Variants in SLC39A9 observed in about 807,000 individuals in gnomAD.
The protein encoded by SLC39A9 is zinc transporter ZIP9.
In SLC39A9, 14 loss-of-function variants were observed where a neutral mutation model predicts 28.4. The ratio of observed to expected loss-of-function variants is 0.49; its 90% CI spans 0.33 to 0.77. The LOEUF is 0.77. SLC39A9 is among the 30% of genes least tolerant of loss of function. The pLI, the probability that SLC39A9 is intolerant of heterozygous loss-of-function variation, is 0.02. For missense variants in SLC39A9, 283 were observed against 381.1 expected (o/e 0.74, Z 2.14); for synonymous variants, 119 against 149.6 (o/e 0.80, Z 1.49).
intron 1 of SLC39A9, among the ~76,000 whole-genome samples, chr14:69,421,898 G>C (rs1395645153): frequency 1.3e-5 from 2 of 152,206 alleles, no homozygotes; most frequent in Non-Finnish European, 2.9e-5. Context: ...GATTTTCCAG[G>C]TACAGTCTGT....
At chr14:69,456,523 G>C (rs1555409780) in intron 6 of SLC39A9, among the ~76,000 whole-genome samples, 1 of 152,170 alleles carries the variant, frequency 6.6e-6, no homozygotes, top group Non-Finnish European at 1.5e-5. Context: ...TAACTGTACA[G>C]TTCTTTCTAT....
chr14:69,458,656 A>G lies in SLC39A9; in HGVS notation c.*63A>G. The G allele has an allele frequency of 6.7e-7, 1 of 1,491,670 alleles. No individual in the cohort carries two copies. The highest frequency in any genetic ancestry group is 9.0e-7 in the Non-Finnish European group (1 of 1,116,772). 92.4% of individuals were successfully genotyped at this position (1,491,670 alleles called of 1,614,324 possible). ...ATCCAGTGAGAACAGCCGGCACGTGACAGCTACTCACTTCCTCAGTCTCTT... is the reference window on the plus strand; with the variant it reads ...ATCCAGTGAGAACAGCCGGCACGTGGCAGCTACTCACTTCCTCAGTCTCTT... On this transcript the variant is annotated 3_prime_UTR_variant, in exon 7 of 7. Coordinates refer to ENST00000336643, the MANE Select transcript of SLC39A9 (RefSeq NM_018375.5).
At chr14:69,430,449 T>A (rs1204351560) in intron 2 of SLC39A9, among the ~76,000 whole-genome samples, 1 of 152,202 alleles carries the variant, frequency 6.6e-6, no homozygotes, top group Non-Finnish European at 1.5e-5. Context: ...TATTGAATTA[T>A]CTTTGCACTT....
rs370037463 is a variant in SLC39A9 at position 69,442,200 on chromosome 14, G to A, written c.337G>A (p.Val113Ile). Residue 113 changes from valine (V) to isoleucine (I), a missense_variant, in exon 3 of 7, where the codon GTT becomes ATT. Coordinates refer to ENST00000336643, the MANE Select transcript of SLC39A9 (RefSeq NM_018375.5). ...QLHAYIGVSL[V>I]LGFVFMLLVD... ...GCATGCCTATATTGGTGTTTCCCTC[G>A]TTCTGGGCTTCGTTTTCATGTTGCT... is the stretch of plus-strand genomic sequence containing the variant. The A allele has an allele frequency of 2.8e-5, 45 of 1,614,016 alleles. 1 individual carries two copies. The highest frequency in any genetic ancestry group is 7.7e-5 in the South Asian group (7 of 91,088).
chr14:69,451,847 C>T (rs1050031946), intron 3 of SLC39A9, among the ~76,000 whole-genome samples: 10 of 152,086 alleles, frequency 6.6e-5, no homozygotes, highest in Non-Finnish European at 1.3e-4. Context: ...TCCTAGATAC[C>T]TGGGACTACA....
chr14:69,437,215 T>TA (rs1216350894), intron 2 of SLC39A9, among the ~76,000 whole-genome samples: 1 of 152,162 alleles, frequency 6.6e-6, no homozygotes, highest in African/African-American at 2.4e-5. Context: ...GGGTTTTAAC[T>TA]GCCTTTGTTG....
intron 2 of SLC39A9, among the ~76,000 whole-genome samples, chr14:69,437,372 G>A (rs1166576326): frequency 1.3e-5 from 2 of 152,112 alleles, no homozygotes; most frequent in African/African-American, 4.8e-5. Context: ...GAAAGACAGG[G>A]TTTTTCTAGA....
chr14:69,412,963 T>C (rs1199384384), intron 1 of SLC39A9, among the ~76,000 whole-genome samples: 1 of 152,198 alleles, frequency 6.6e-6, no homozygotes. Context: ...AAACTCAAAT[T>C]CTTTGTTTCT....
chr14:69,424,339 T>C (rs1884071332), intron 2 of SLC39A9, 137 bp downstream of exon 2: 3 of 635,556 alleles, frequency 4.7e-6, no homozygotes, highest in African/African-American at 3.7e-5. Flanking sequence ...TTGAGAGATA[T>C]CTTGATATCT....
At chr14:69,454,379 C>T (rs1885760896) in intron 4 of SLC39A9, among the ~76,000 whole-genome samples, 1 of 152,222 alleles carries the variant, frequency 6.6e-6, no homozygotes, top group African/African-American at 2.4e-5. Context: ...AAGCAATCCT[C>T]CTGCCTCAGC....
intron 3 of SLC39A9, among the ~76,000 whole-genome samples, chr14:69,452,723 G>T (rs1410453574): frequency 1.3e-5 from 2 of 152,116 alleles, no homozygotes; most frequent in Non-Finnish European, 2.9e-5. Context: ...TGCTAATTTA[G>T]GTTTGAGTGA....
chr14:69,456,387 A>C lies in SLC39A9; in HGVS notation c.693+521A>C, dbSNP rs1265592574. Among the ~76,000 whole-genome samples, 3 of 152,210 alleles carry C rather than the reference A, an allele frequency of 2.0e-5. No individual in the cohort carries two copies. In the East Asian group the frequency reaches 5.8e-4, roughly 29 times the overall value. The stretch of plus-strand genomic sequence containing the variant: ...AAGAGAAGGCTTTTCAGGTAAATGG[A>C]AAGGGTTTTTATAACACACTGTTAG... On this transcript the variant is annotated intron_variant, in intron 6 of 6. Transcript: ENST00000336643.
chr14:69,425,568 A>C (rs192250598), intron 2 of SLC39A9, among the ~76,000 whole-genome samples: 2 of 152,316 alleles, frequency 1.3e-5, no homozygotes, highest in Non-Finnish European at 2.9e-5. Context: ...TAGAGGAAAG[A>C]AGTGCTTCAA....
chr14:69,409,938 T>A (rs1001725764), intron 1 of SLC39A9, among the ~76,000 whole-genome samples: 3 of 152,234 alleles, frequency 2.0e-5, no homozygotes, highest in Non-Finnish European at 4.4e-5. Context: ...TTTTTAAAAC[T>A]GTACCAATTT....
At chr14:69,413,563 C>A (rs554466405) in intron 1 of SLC39A9, among the ~76,000 whole-genome samples, 1 of 151,752 alleles carries the variant, frequency 6.6e-6, no homozygotes, top group Non-Finnish European at 1.5e-5. Flanking sequence ...ATGATGTGCT[C>A]ACTGTATTGT....
intron 1 of SLC39A9, among the ~76,000 whole-genome samples, chr14:69,410,843 A>T (rs2140254500): frequency 6.7e-6 from 1 of 150,352 alleles, no homozygotes; most frequent in African/African-American, 2.4e-5. Context: ...TTTTTTTAGG[A>T]AGCTGTAGTT....
intron 1 of SLC39A9, among the ~76,000 whole-genome samples, chr14:69,406,128 C>T (rs1482919808): frequency 6.6e-6 from 1 of 152,132 alleles, no homozygotes; most frequent in African/African-American, 2.4e-5. Context: ...TTTAGCTCCC[C>T]AAATTAGGAA....
chr14:69,459,418 T>G lies in SLC39A9; in HGVS notation c.*825T>G. The G allele has an allele frequency of 1.0e-5, 10 of 985,436 alleles. No individual in the cohort carries two copies. Among genetic ancestry groups the G allele is most frequent in the Non-Finnish European group, 1.2e-5 (10 of 829,918 alleles). 61.0% of individuals were successfully genotyped at this position (985,436 alleles called of 1,614,324 possible). A position where few individuals can be genotyped will look rare whatever the true frequency, so the allele number is the denominator to read the frequency against. ...TAGTAGTTTCAGTTCTAGGCTTTCC[T>G]TCAAGAACAGTCAGATCACAAAGTG... On this transcript the variant is annotated 3_prime_UTR_variant, in exon 7 of 7. Coordinates refer to ENST00000336643, the MANE Select transcript of SLC39A9 (RefSeq NM_018375.5).
chr14:69,405,638 A>G (rs889853558), intron 1 of SLC39A9, among the ~76,000 whole-genome samples: 1 of 152,212 alleles, frequency 6.6e-6, no homozygotes, highest in Non-Finnish European at 1.5e-5. Context: ...CAGTAAATTT[A>G]TCCATATCTG....
Sources: gnomAD v4.1 joint callset for allele counts (sites outside exome capture counted in the v4.1 genomes callset) on GRCh38, gnomAD v4.1.1 for gene constraint, MANE v1.5 for transcripts, NCBI Gene and HGNC (gene_info 2026-07-23, HGNC 2026-07-21) for gene names.